HCN1: variants seen among roughly 807,000 people sequenced by gnomAD.
HCN1 encodes hyperpolarization activated cyclic nucleotide gated potassium channel 1, also known as potassium/sodium hyperpolarization-activated cyclic nucleotide-gated channel 1.
HCN1 carries 13 observed loss-of-function variants against 78.9 expected under a neutral mutation model. That is an observed-to-expected ratio of 0.16 (90% CI 0.11 to 0.26). The LOEUF (loss-of-function observed/expected upper bound fraction) is 0.26. Ranked by LOEUF, HCN1 falls within the 10% of genes least tolerant of loss-of-function variation. The pLI is 1.00. For missense variants in HCN1, 810 were observed against 1,154.3 expected (o/e 0.70, Z 4.32); for synonymous variants, 552 against 455.5 (o/e 1.21, Z -2.70).
At chr5:45,295,527 A>G (rs539258503) in intron 6 of HCN1, among the ~76,000 whole-genome samples, 1 of 152,152 alleles carries the variant, frequency 6.6e-6, no homozygotes, top group South Asian at 2.1e-4. Flanking sequence ...AAAAAGTAAA[A>G]CAAAATATCT....
chr5:45,353,932 GGGGA>G (rs1270824194), intron 4 of HCN1, among the ~76,000 whole-genome samples: 4 of 151,882 alleles, frequency 2.6e-5, no homozygotes, highest in African/African-American at 9.7e-5. Context: ...TTTAAGAACT[GGGGA>G]GGGCATTGCT....
At chr5:45,462,111 T>A in intron 2 of HCN1, 104 bp from the exon 3 acceptor site, 1 of 846,982 alleles carries the variant, frequency 1.2e-6, no homozygotes, top group Non-Finnish European at 1.9e-6. Context: ...AGCATTGATT[T>A]AATAAAAATA....
intron 4 of HCN1, among the ~76,000 whole-genome samples, chr5:45,374,346 T>A (rs1579852067): frequency 7.2e-6 from 1 of 139,788 alleles, no homozygotes; most frequent in East Asian, 2.0e-4. Context: ...TATATATATA[T>A]AATATACATA....
intron 5 of HCN1, among the ~76,000 whole-genome samples, chr5:45,326,449 A>C (rs927950683): frequency 2.0e-5 from 3 of 151,620 alleles, no homozygotes; most frequent in African/African-American, 7.3e-5. Flanking sequence ...TTTAGTGGCC[A>C]CAAAATGTTT....
At chr5:45,653,911 A>G (rs1447573069) in intron 1 of HCN1, among the ~76,000 whole-genome samples, 2 of 151,950 alleles carry the variant, frequency 1.3e-5, no homozygotes, top group African/African-American at 4.8e-5. Flanking sequence ...CTAAAACTTA[A>G]AAGTATAATA....
At chr5:45,671,449 C>T (rs1746148371) in intron 1 of HCN1, among the ~76,000 whole-genome samples, 1 of 151,228 alleles carries the variant, frequency 6.6e-6, no homozygotes. Context: ...CACCCCATCC[C>T]CACACTCCCA....
chr5:45,409,827 T>C (rs1487949548), intron 3 of HCN1, among the ~76,000 whole-genome samples: 1 of 151,816 alleles, frequency 6.6e-6, no homozygotes. Flanking sequence ...TCCATGATTA[T>C]AAGATCAAAA....
At chr5:45,642,630 T>C (rs539155737) in intron 2 of HCN1, 1 of 152,264 alleles carries the variant, frequency 6.6e-6, no homozygotes, top group East Asian at 1.9e-4. Flanking sequence ...ACCAAAGACA[T>C]GTGGGTGAAC....
intron 1 of HCN1, among the ~76,000 whole-genome samples, chr5:45,693,982 G>GT (rs1302717798): frequency 6.6e-6 from 1 of 152,068 alleles, no homozygotes; most frequent in Non-Finnish European, 1.5e-5. Context: ...ATTTTAAAAT[G>GT]AGGTGAAATA....
chr5:45,313,050 G>A (rs1007586934), intron 5 of HCN1, among the ~76,000 whole-genome samples: 3 of 152,180 alleles, frequency 2.0e-5, no homozygotes, highest in Non-Finnish European at 4.4e-5. Flanking sequence ...TGAGATCTGA[G>A]AACAGACAGA....
chr5:45,607,571 C>T (rs1489443436), intron 2 of HCN1, among the ~76,000 whole-genome samples: 1 of 143,086 alleles, frequency 7.0e-6, no homozygotes, highest in Admixed American at 7.1e-5. Context: ...AAATAGATCA[C>T]AATATCATTA....
At chr5:45,369,171 C>A (rs1025397696) in intron 4 of HCN1, among the ~76,000 whole-genome samples, 24 of 150,062 alleles carry the variant, frequency 1.6e-4, no homozygotes, top group African/African-American at 5.4e-4. Context: ...GATATTTTTT[C>A]TTTATTTCTG....
intron 2 of HCN1, among the ~76,000 whole-genome samples, chr5:45,624,285 A>C (rs1020793803): frequency 6.6e-6 from 1 of 152,230 alleles, no homozygotes; most frequent in Non-Finnish European, 1.5e-5. Flanking sequence ...GAGGGTTACA[A>C]TAACCCACGC....
At chr5:45,460,802 T>A (rs1005639476) in intron 3 of HCN1, among the ~76,000 whole-genome samples, 1 of 151,234 alleles carries the variant, frequency 6.6e-6, no homozygotes, top group Admixed American at 6.6e-5. Context: ...ATCGCCTTTT[T>A]TTTTTCAAAT....
chr5:45,372,928 T>C lies in HCN1; in HGVS notation c.1231-19682A>G, dbSNP rs1338441465. 2.8e-5 allele frequency among the ~76,000 whole-genome samples: 4 copies of C among 141,344 alleles called. No individual in the cohort carries two copies. In the East Asian group the frequency reaches 8.4e-4, roughly 30 times the overall value. 92.7% of individuals were successfully genotyped at this position (141,344 alleles called of 152,430 possible). On this transcript the variant is annotated intron_variant, in intron 4 of 7. Coordinates refer to ENST00000303230, the MANE Select transcript of HCN1 (RefSeq NM_021072.4). Reference sequence around the variant, plus strand: ...TCTATACATAAAAATATACACGTATTTTATACATAAAAATATATAAGTATT... The same window carrying C: ...TCTATACATAAAAATATACACGTATCTTATACATAAAAATATATAAGTATT...
intron 3 of HCN1, among the ~76,000 whole-genome samples, chr5:45,431,752 A>T (rs1173292563): frequency 6.6e-6 from 1 of 152,004 alleles, no homozygotes; most frequent in Non-Finnish European, 1.5e-5. Context: ...ATAGGTGTGT[A>T]GCATTATTTC....
At chr5:45,451,721 A>T (rs1378976682) in intron 3 of HCN1, among the ~76,000 whole-genome samples, 1 of 152,006 alleles carries the variant, frequency 6.6e-6, no homozygotes, top group Non-Finnish European at 1.5e-5. Context: ...AACATCAATT[A>T]AAAAAATCTG....
rs1017669875 is a variant in HCN1, at chr5:45,259,626, T to A, written c.*2295A>T. 7.9e-5 allele frequency: 12 copies of A among 152,494 alleles called. No individual in the cohort carries two copies. The highest frequency in any genetic ancestry group is 2.9e-4 in the African/African-American group (12 of 41,552). The allele number at this position is 152,494 out of a possible 1,614,324, so 9.4% of individuals were successfully genotyped here. On this transcript the variant is annotated 3_prime_UTR_variant, in exon 8 of 8. Coordinates refer to ENST00000303230, the MANE Select transcript of HCN1 (RefSeq NM_021072.4). ...GTTTAATATATAAACCTTAGTTTTT[T>A]TGTCCATTCTATTACAAAGTGAATA...
intron 5 of HCN1, among the ~76,000 whole-genome samples, chr5:45,336,083 C>A (rs1398680519): frequency 1.3e-5 from 2 of 151,834 alleles, no homozygotes; most frequent in Admixed American, 6.6e-5. Flanking sequence ...TTCTCAGCAG[C>A]CAGGGGCAAA....
Sources: gnomAD v4.1 joint callset for allele counts (sites outside exome capture counted in the v4.1 genomes callset) on GRCh38, gnomAD v4.1.1 for gene constraint, MANE v1.5 for transcripts, NCBI Gene and HGNC (gene_info 2026-07-23, HGNC 2026-07-21) for gene names.